The following AMDHD1 variants were observed in gnomAD, a reference collection of about 807,000 sequenced individuals.
AMDHD1 encodes amidohydrolase domain containing 1, also known as probable imidazolonepropionase.
A neutral mutation model predicts 44.1 loss-of-function variants in AMDHD1; 45 were observed. The observed-to-expected ratio is 1.02, with a 90% CI of 0.80 to 1.31. The LOEUF is 1.31. Among genes scored for constraint, AMDHD1 ranks in the 50% most tolerant of loss-of-function variants. The probability of loss-of-function intolerance (pLI) is 0.00; values close to 1 mark genes in which losing one functional copy is unlikely to be tolerated. For synonymous variants in AMDHD1, 206 were observed against 205.0 expected, an observed-to-expected ratio of 1.00 and a Z score of -0.04; for missense variants, 586 against 552.1, an observed-to-expected ratio of 1.06 and a Z score of -0.61.
chr12:95,966,266 T>G, intron 7 of AMDHD1, 82 bp from the exon 8 acceptor site: 1 of 1,507,036 alleles, frequency 6.6e-7, no homozygotes, highest in Non-Finnish European at 9.1e-7. Context: ...CTGCCTCTAT[T>G]TGTTGTGCTG....
chr12:95,956,558 T>C (rs894495763), intron 3 of AMDHD1, 127 bp from the exon 4 acceptor site: 2 of 1,299,384 alleles, frequency 1.5e-6, no homozygotes, highest in Non-Finnish European at 2.1e-6. Flanking sequence ...CTTTCTAATC[T>C]GATGGGTTGG....
chr12:95,964,621 A>C (rs758124912), intron 6 of AMDHD1, among the ~76,000 whole-genome samples: 1 of 152,050 alleles, frequency 6.6e-6, no homozygotes, highest in Non-Finnish European at 1.5e-5. Flanking sequence ...GTTGTTGAAA[A>C]ACATTTTAAG....
intron 1 of AMDHD1, among the ~76,000 whole-genome samples, chr12:95,946,070 T>TGTGC (rs2080494344): frequency 6.6e-6 from 1 of 151,644 alleles, no homozygotes. Flanking sequence ...TCTGTGTGTG[T>TGTGC]GTGTGTGTGT....
rs1474066885 is a variant in AMDHD1 at position 95,946,059 on chromosome 12, CTCTGTGTGTG to C, written c.137+2526_137+2535del. Among the ~76,000 whole-genome samples the C allele has an allele frequency of 2.1e-4, 30 of 142,618 alleles. No homozygotes were observed. In the South Asian group the frequency reaches 3.4e-3, roughly 16 times the overall value. 93.6% of individuals were successfully genotyped at this position (142,618 alleles called of 152,430 possible). On this transcript the variant is annotated intron_variant, in intron 1 of 8. Coordinates refer to ENST00000266736, the MANE Select transcript of AMDHD1 (RefSeq NM_152435.3). The stretch of plus-strand genomic sequence containing the variant: ...TAAATTAAGTTCTCTCTCTCTTTCT[CTCTGTGTGTG>C]TGTGTGTGTGTGTGTGTGTGTGTAG...
At position 95,943,407 on chromosome 12, in the gene AMDHD1, C is replaced by G. The variant is rs766702790; in HGVS notation, c.9C>G (p.Ser3Arg). 1 of 1,497,414 alleles carries G rather than the reference C, an allele frequency of 6.7e-7. No individual in the cohort carries two copies. Among genetic ancestry groups the G allele is most frequent in the Non-Finnish European group, 8.8e-7 (1 of 1,130,352 alleles). 92.8% of individuals were successfully genotyped at this position (1,497,414 alleles called of 1,614,324 possible). A position where few individuals can be genotyped will look rare whatever the true frequency, so the allele number is the denominator to read the frequency against. Residue 3 changes from serine to arginine, a missense_variant, in exon 1 of 9, where the codon AGC becomes AGG. By Grantham distance (110) the Ser-to-Arg change is moderately radical. Transcript: ENST00000266736. ...CCTCGGCGCGAGGCGACATGGCAAG[C>G]GGCCACAGCCTCCTGCTGGAGAACG... MA[S>R]GHSLLLENAQ...
rs755356880 is a variant in AMDHD1, at chr12:95,956,942, C to T, written c.567C>T (p.Cys189=). The change falls in exon 4 of 9, where the codon TGC becomes TGT. Residue 189 remains cysteine, a synonymous_variant. Transcript: ENST00000266736. ...ELDIGISATY[C]GAHSVPKGKT... is the part of the protein sequence containing the mutation. ...ACATCGGCATCTCGGCTACCTACTGCGGGGCTCATTCAGTGCCTAAGTAAT... is the reference window on the plus strand; with the variant it reads ...ACATCGGCATCTCGGCTACCTACTGTGGGGCTCATTCAGTGCCTAAGTAAT... 9 of 1,612,240 alleles carry T rather than the reference C, an allele frequency of 5.6e-6. No homozygotes were observed. Among genetic ancestry groups the T allele is most frequent in the African/African-American group, 1.3e-5 (1 of 74,888 alleles).
chr12:95,956,837 G>C lies in AMDHD1; in HGVS notation c.462G>C (p.Glu154Asp), dbSNP rs112657735. 14 of 1,614,030 alleles carry C rather than the reference G, an allele frequency of 8.7e-6. No individual in the cohort carries two copies. The African/African-American group carries it at 1.3e-4, about 15-fold the overall frequency. The change falls in exon 4 of 9, where the codon GAG becomes GAC. Residue 154 changes from glutamate (E) to aspartate (D), a missense_variant. Glu to Asp is a conservative substitution (Grantham distance 45, BLOSUM62 2). Coordinates refer to ENST00000266736, the MANE Select transcript of AMDHD1 (RefSeq NM_152435.3). ...CMMRAGTTLV[E>D]CKSGYGLDLE... ...TGAGGGCTGGCACCACGCTGGTGGAGTGCAAGAGTGGATATGGCCTCGACC... is the reference window on the plus strand; with the variant it reads ...TGAGGGCTGGCACCACGCTGGTGGACTGCAAGAGTGGATATGGCCTCGACC...
At chr12:95,964,922 T>C (rs1348178089) in intron 6 of AMDHD1, among the ~76,000 whole-genome samples, 2 of 19,032 alleles carry the variant, frequency 1.1e-4, no homozygotes, top group South Asian at 1.1e-3. Flanking sequence ...ACAGAGATGT[T>C]TGAGGCAAAA....
chr12:95,956,753 G>C lies in AMDHD1; in HGVS notation c.378G>C (p.Thr126=), dbSNP rs2080552544. The C allele has an allele frequency of 1.2e-6, 2 of 1,614,076 alleles. No homozygotes were observed. The highest frequency in any genetic ancestry group is 1.7e-6 in the Non-Finnish European group (2 of 1,180,054). ...GGGIHFTVER[T]RQATEEELFR... ...GGATCCACTTTACCGTGGAGCGCAC[G>C]CGCCAAGCCACAGAGGAGGAGCTGT... Residue 126 remains threonine (T), a synonymous_variant, in exon 4 of 9, where the codon ACG becomes ACC. Transcript: ENST00000266736.
chr12:95,953,064 T>C (rs1475524502), intron 2 of AMDHD1, among the ~76,000 whole-genome samples: 1 of 152,182 alleles, frequency 6.6e-6, no homozygotes, highest in Non-Finnish European at 1.5e-5. Context: ...GATTAGAAAA[T>C]TGAAGCTAAG....
At chr12:95,948,377 C>CA (rs1219129730) in intron 1 of AMDHD1, among the ~76,000 whole-genome samples, 4 of 67,412 alleles carry the variant, frequency 5.9e-5, no homozygotes, top group African/African-American at 3.0e-4. Context: ...GGTCAGCCCC[C>CA]CTGCCCGGCC....
chr12:95,951,638 AT>A (rs1392171823), intron 1 of AMDHD1, among the ~76,000 whole-genome samples: 2 of 152,120 alleles, frequency 1.3e-5, no homozygotes, highest in African/African-American at 4.8e-5. Context: ...TGGTAGCTCT[AT>A]TTTTAGTTTT....
rs764568171 is a variant in AMDHD1, at chr12:95,943,383, C to T, written c.-16C>T. On this transcript the variant is annotated 5_prime_UTR_variant, in exon 1 of 9. Transcript: ENST00000266736. ...CGAGCCCGGTGGCCTCCCGGCGACC[C>T]TCGGCGCGAGGCGACATGGCAAGCG... is the stretch of plus-strand genomic sequence containing the variant. 2.7e-6 allele frequency: 4 copies of T among 1,488,834 alleles called. No individual in the cohort carries two copies. Among genetic ancestry groups the T allele is most frequent in the South Asian group, 1.3e-5 (1 of 79,692 alleles). The allele number at this position is 1,488,834 out of a possible 1,614,324, so 92.2% of individuals were successfully genotyped here. A position where few individuals can be genotyped will look rare whatever the true frequency, so the allele number is the denominator to read the frequency against.
intron 1 of AMDHD1, among the ~76,000 whole-genome samples, chr12:95,949,368 GT>G (rs2080516792): frequency 6.6e-6 from 1 of 152,090 alleles, no homozygotes; most frequent in South Asian, 2.1e-4. Flanking sequence ...CATCATTACT[GT>G]TTTCATTATA....
rs745424544 is a variant in AMDHD1 at position 95,960,564 on chromosome 12, G to A, written c.754G>A (p.Asp252Asn). Residue 252 changes from aspartate to asparagine, a missense_variant, in exon 5 of 9, where the codon GAT becomes AAT. By Grantham distance (23) the Asp-to-Asn change is conservative. Transcript: ENST00000266736. ...STRRILQRGK[D>N]IGLQINFHGD... Reference sequence around the variant, plus strand: ...CAGAAGGATTCTTCAACGTGGAAAAGATATAGGGTTACAGATTAACTTCCA... The same window carrying A: ...CAGAAGGATTCTTCAACGTGGAAAAAATATAGGGTTACAGATTAACTTCCA... The A allele has an allele frequency of 6.2e-7, 1 of 1,614,220 alleles. No individual in the cohort carries two copies. The highest frequency in any genetic ancestry group is 1.1e-5 in the South Asian group (1 of 91,090).
chr12:95,954,452 C>T (rs1360546190), intron 2 of AMDHD1, among the ~76,000 whole-genome samples: 1 of 151,918 alleles, frequency 6.6e-6, no homozygotes, highest in Non-Finnish European at 1.5e-5. Context: ...ACTATAGTCC[C>T]AGCTACTAGG....
At chr12:95,967,484 C>T (rs897856411) in intron 8 of AMDHD1, among the ~76,000 whole-genome samples, 2 of 152,178 alleles carry the variant, frequency 1.3e-5, no homozygotes, top group African/African-American at 2.4e-5. Flanking sequence ...AAACCACTCC[C>T]TGTATTGGAT....
At chr12:95,948,572 C>T (rs1437681437) in intron 1 of AMDHD1, among the ~76,000 whole-genome samples, 1 of 84,134 alleles carries the variant, frequency 1.2e-5, no homozygotes, top group Non-Finnish European at 2.3e-5. Context: ...CCCAGCCAGC[C>T]GACCCGTCCG....
chr12:95,957,586 A>G (rs943297651), intron 4 of AMDHD1, among the ~76,000 whole-genome samples: 2 of 152,192 alleles, frequency 1.3e-5, no homozygotes, highest in African/African-American at 4.8e-5. Context: ...AACTATCTAA[A>G]AGAAATCCAG....
Sources: allele counts gnomAD v4.1 joint callset (sites outside exome capture counted in the v4.1 genomes callset), GRCh38; gene constraint gnomAD v4.1.1; transcripts MANE v1.5; gene names NCBI Gene and HGNC (gene_info 2026-07-23, HGNC 2026-07-21).